The following ALCAM variants were observed in gnomAD, a reference collection of about 807,000 sequenced individuals.
ALCAM encodes activated leukocyte cell adhesion molecule, also known as CD166 antigen.
ALCAM carries 30 observed loss-of-function variants against 70.9 expected under a neutral mutation model. The observed-to-expected ratio is 0.42, with a 90% CI of 0.32 to 0.57. The LOEUF is 0.57. Ranked by LOEUF, ALCAM falls within the 20% of genes least tolerant of loss-of-function variation. The pLI, the probability that ALCAM is intolerant of heterozygous loss-of-function variation, is 0.11. For synonymous variants in ALCAM, 249 were observed against 242.5 expected (o/e 1.03, Z -0.25); for missense variants, 591 against 695.1 (o/e 0.85, Z 1.68).
intron 4 of ALCAM, among the ~76,000 whole-genome samples, chr3:105,532,443 A>T (rs1241788681): frequency 2.0e-5 from 3 of 152,134 alleles, no homozygotes; most frequent in African/African-American, 7.2e-5. Flanking sequence ...TTTATAAAAA[A>T]TATTTAAAAG....
At position 105,520,046 on chromosome 3, in the gene ALCAM, CTTT is replaced by C. The variant is rs11291806; in HGVS notation, c.74-12_74-10del. ...TTCTCTCTCTCTTTCTCTCTTCTTCCTTTTTTTTTTTCCCCCAAAGGCCTTGGA... is the reference window on the plus strand; with the variant it reads ...TTCTCTCTCTCTTTCTCTCTTCTTCCTTTTTTTTCCCCCAAAGGCCTTGGA... On this transcript the variant is annotated intron_variant, in intron 1 of 15. Coordinates refer to ENST00000306107, the MANE Select transcript of ALCAM (RefSeq NM_001627.4). 976 of 1,352,032 alleles carry C rather than the reference CTTT, an allele frequency of 7.2e-4. 1 individual carries two copies. The highest frequency in any genetic ancestry group is 2.3e-3 in the East Asian group (91 of 39,300). 83.8% of individuals were successfully genotyped at this position (1,352,032 alleles called of 1,614,324 possible).
intron 6 of ALCAM, among the ~76,000 whole-genome samples, chr3:105,537,404 C>T (rs1276951265): frequency 2.6e-5 from 4 of 152,222 alleles, no homozygotes; most frequent in African/African-American, 7.2e-5. Context: ...TTTTCTAAAA[C>T]ACAAATGTGA....
intron 6 of ALCAM, 113 bp downstream of exon 6, chr3:105,534,958 C>A: frequency 9.7e-7 from 1 of 1,034,576 alleles, no homozygotes; most frequent in Non-Finnish European, 1.4e-6. Context: ...TTCCAGTCTG[C>A]ACCCCAAATT....
intron 1 of ALCAM, among the ~76,000 whole-genome samples, chr3:105,509,269 CT>C (rs1353942967): frequency 6.6e-6 from 1 of 151,982 alleles, no homozygotes; most frequent in Non-Finnish European, 1.5e-5. Flanking sequence ...TCTATTTTAA[CT>C]TTTTGAGGAA....
intron 1 of ALCAM, among the ~76,000 whole-genome samples, chr3:105,391,874 C>T (rs1168840382): frequency 6.6e-6 from 1 of 151,884 alleles, no homozygotes; most frequent in African/African-American, 2.4e-5. Flanking sequence ...TGATGAATTA[C>T]ATTGATTGTT....
chr3:105,508,379 G>T (rs558268978), intron 1 of ALCAM, among the ~76,000 whole-genome samples: 2 of 152,150 alleles, frequency 1.3e-5, no homozygotes, highest in African/African-American at 4.8e-5. Context: ...CGTGATATTG[G>T]CTTATTCTCT....
intron 1 of ALCAM, among the ~76,000 whole-genome samples, chr3:105,394,791 A>G (rs1302054038): frequency 6.6e-6 from 1 of 151,972 alleles, no homozygotes; most frequent in Non-Finnish European, 1.5e-5. Context: ...TATTAACTGC[A>G]GCCATAAAAC....
At chr3:105,464,369 T>TA (rs57146742) in intron 1 of ALCAM, among the ~76,000 whole-genome samples, 28,090 of 150,984 alleles carry the variant, frequency 0.19, 2,797 homozygotes, top group East Asian at 0.37. Context: ...ATGAAAACTT[T>TA]AAAAGAAATA....
Position 105,424,930 on chromosome 3 carries a change from G to C in ALCAM, c.73+57449G>C, listed in dbSNP as rs540218501. ...TAAATCAAAATGGAATACATGCTAT[G>C]TGTCTGCCCTTGTGTTTAGCACCAT... On this transcript the variant is annotated intron_variant, in intron 1 of 15. Coordinates refer to ENST00000306107, the MANE Select transcript of ALCAM (RefSeq NM_001627.4). Among the ~76,000 whole-genome samples, 179 of 151,870 alleles carry C rather than the reference G, an allele frequency of 1.2e-3. 1 individual carries two copies. The highest frequency in any genetic ancestry group is 3.4e-3 in the Middle Eastern group (1 of 294).
intron 1 of ALCAM, among the ~76,000 whole-genome samples, chr3:105,493,574 AT>A (rs1480326951): frequency 5.9e-5 from 9 of 152,272 alleles, no homozygotes; most frequent in African/African-American, 1.9e-4. Flanking sequence ...GAAGACGTAG[AT>A]ACAGTGTGGC....
intron 6 of ALCAM, among the ~76,000 whole-genome samples, chr3:105,538,280 T>A (rs3772555): frequency 0.089 from 13,527 of 151,940 alleles, 853 homozygotes; most frequent in East Asian, 0.19. Context: ...CCAAAATATA[T>A]TGTAAAGTAT....
rs141448364 is a variant in ALCAM, at chr3:105,576,202, C to T, written c.*1751C>T. ...GCAGGAAAAAAAATTGAATCTTGGTCAACATTTAAACCAAAGTAAAAGGGG... is the reference window on the plus strand; with the variant it reads ...GCAGGAAAAAAAATTGAATCTTGGTTAACATTTAAACCAAAGTAAAAGGGG... On this transcript the variant is annotated 3_prime_UTR_variant, in exon 16 of 16. Transcript: ENST00000306107. The T allele has an allele frequency of 1.3e-5, 2 of 152,468 alleles. No individual in the cohort carries two copies. The highest frequency in any genetic ancestry group is 6.6e-5 in the Admixed American group (1 of 15,264). 9.4% of individuals were successfully genotyped at this position (152,468 alleles called of 1,614,324 possible).
At chr3:105,456,035 C>T (rs1386524757) in intron 1 of ALCAM, among the ~76,000 whole-genome samples, 1 of 152,152 alleles carries the variant, frequency 6.6e-6, no homozygotes, top group Non-Finnish European at 1.5e-5. Context: ...GCCGAGATCG[C>T]GCCAATGGAC....
At chr3:105,441,226 C>A (rs972730476) in intron 1 of ALCAM, among the ~76,000 whole-genome samples, 3 of 144,370 alleles carry the variant, frequency 2.1e-5, no homozygotes, top group Non-Finnish European at 4.6e-5. Flanking sequence ...TTTACATTTT[C>A]TTTTTTTTTT....
At chr3:105,439,090 T>C (rs1937115974) in intron 1 of ALCAM, among the ~76,000 whole-genome samples, 1 of 152,130 alleles carries the variant, frequency 6.6e-6, no homozygotes, top group African/African-American at 2.4e-5. Context: ...GTAATCAAAA[T>C]TGGAAGCAGA....
intron 3 of ALCAM, among the ~76,000 whole-genome samples, chr3:105,529,978 G>GGGGA (rs1432625901): frequency 3.3e-5 from 5 of 152,064 alleles, no homozygotes; most frequent in Non-Finnish European, 7.4e-5. Context: ...CTAAATTTAT[G>GGGGA]GGGAGAATTG....
chr3:105,517,673 T>G (rs1195777009), intron 1 of ALCAM, among the ~76,000 whole-genome samples: 1 of 152,152 alleles, frequency 6.6e-6, no homozygotes, highest in Non-Finnish European at 1.5e-5. Context: ...TAAAATGTGT[T>G]TGCTGTTTGT....
chr3:105,377,521 A>G (rs1377866174), intron 1 of ALCAM, among the ~76,000 whole-genome samples: 1 of 152,034 alleles, frequency 6.6e-6, no homozygotes, highest in Non-Finnish European at 1.5e-5. Context: ...CCTCTTTTTA[A>G]CCAGTATCAT....
rs530406074 is a variant in ALCAM at position 105,525,348 on chromosome 3, A to G, written c.394+840A>G. ...AATAACTGTGCAAATGAATGACTTG[A>G]GAAGTTATAATTAAAGTATTTCATC... On this transcript the variant is annotated intron_variant, in intron 3 of 15. Transcript: ENST00000306107. 58 of 981,542 alleles carry G rather than the reference A, an allele frequency of 5.9e-5. No individual in the cohort carries two copies. In the African/African-American group the frequency reaches 9.6e-4, roughly 16 times the overall value. The allele number at this position is 981,542 out of a possible 1,614,324, so 60.8% of individuals were successfully genotyped here.
Sources: gnomAD v4.1 joint callset for allele counts (sites outside exome capture counted in the v4.1 genomes callset) on GRCh38, gnomAD v4.1.1 for gene constraint, MANE v1.5 for transcripts, NCBI Gene and HGNC (gene_info 2026-07-23, HGNC 2026-07-21) for gene names.